The following NECAB1 variants were observed in gnomAD, a reference collection of about 807,000 sequenced individuals.
The protein encoded by NECAB1 is N-terminal EF-hand calcium binding protein 1.
Under a neutral mutation model 57.5 loss-of-function variants are expected in NECAB1, and 29 were observed. The ratio of observed to expected loss-of-function variants is 0.50; its 90% CI spans 0.38 to 0.69. The LOEUF (loss-of-function observed/expected upper bound fraction) is 0.69, where lower values mean the gene tolerates loss of function less well. Ranked by LOEUF, NECAB1 falls within the 30% of genes least tolerant of loss-of-function variation. NECAB1 has a pLI of 0.00. For missense variants in NECAB1, 372 were observed against 413.8 expected (o/e 0.90, Z 0.88); for synonymous variants, 142 against 147.7 (o/e 0.96, Z 0.28).
intron 3 of NECAB1, among the ~76,000 whole-genome samples, chr8:90,851,006 G>C (rs1812671435): frequency 6.6e-6 from 1 of 152,160 alleles, no homozygotes; most frequent in Non-Finnish European, 1.5e-5. Flanking sequence ...AGGGAGGATA[G>C]AGGGGCTAGA....
At chr8:90,810,019 T>C (rs959883932) in intron 2 of NECAB1, among the ~76,000 whole-genome samples, 4 of 152,232 alleles carry the variant, frequency 2.6e-5, no homozygotes, top group Non-Finnish European at 5.9e-5. Context: ...TGTCCCAATT[T>C]TATTTATGAG....
chr8:90,914,574 A>G (rs1367592432), intron 5 of NECAB1, among the ~76,000 whole-genome samples: 1 of 152,184 alleles, frequency 6.6e-6, no homozygotes, highest in East Asian at 1.9e-4. Context: ...CAACATTTAT[A>G]TCAAAGAAAT....
chr8:90,822,159 C>G (rs1204130852), intron 2 of NECAB1, among the ~76,000 whole-genome samples: 2 of 151,786 alleles, frequency 1.3e-5, no homozygotes, highest in African/African-American at 4.8e-5. Flanking sequence ...ATTCTGTGAG[C>G]CAAACCAGTA....
chr8:90,896,585 A>C (rs559624253), intron 5 of NECAB1, among the ~76,000 whole-genome samples: 191 of 152,006 alleles, frequency 1.3e-3, no homozygotes, highest in Non-Finnish European at 2.2e-3. Flanking sequence ...AGCCTGGGCG[A>C]CAGAGCGAGA....
intron 4 of NECAB1, among the ~76,000 whole-genome samples, chr8:90,878,204 T>G (rs1192568777): frequency 6.6e-6 from 1 of 152,136 alleles, no homozygotes; most frequent in Non-Finnish European, 1.5e-5. Flanking sequence ...CCATTGTCTT[T>G]AACAATGATT....
At chr8:90,850,489 C>A (rs570317402) in intron 3 of NECAB1, among the ~76,000 whole-genome samples, 3 of 152,258 alleles carry the variant, frequency 2.0e-5, no homozygotes, top group African/African-American at 7.2e-5. Context: ...CAGTCTGGAA[C>A]AAATAGCAAA....
At chr8:90,876,694 T>C (rs1200716001) in intron 4 of NECAB1, among the ~76,000 whole-genome samples, 4 of 152,140 alleles carry the variant, frequency 2.6e-5, no homozygotes, top group Non-Finnish European at 5.9e-5. Flanking sequence ...GTAGAGAAGA[T>C]GGCACACTGG....
chr8:90,909,205 C>A (rs1809768128), intron 5 of NECAB1, among the ~76,000 whole-genome samples: 1 of 152,080 alleles, frequency 6.6e-6, no homozygotes, highest in Non-Finnish European at 1.5e-5. Flanking sequence ...GCCTTTGATA[C>A]TCAGTGACTG....
intron 1 of NECAB1, among the ~76,000 whole-genome samples, chr8:90,798,823 G>A (rs1811712687): frequency 6.6e-6 from 1 of 152,122 alleles, no homozygotes; most frequent in African/African-American, 2.4e-5. Context: ...CTCAGTAACG[G>A]GATTGCAGAG....
chr8:90,943,040 T>G, intron 10 of NECAB1, among the ~76,000 whole-genome samples: 1 of 139,826 alleles, frequency 7.2e-6, no homozygotes, highest in East Asian at 2.0e-4. Flanking sequence ...ATGTTTTATA[T>G]TTATAAAAAA....
At chr8:90,906,876 C>CATATAT (rs57808023) in intron 5 of NECAB1, among the ~76,000 whole-genome samples, 2,840 of 121,382 alleles carry the variant, frequency 0.023, 55 homozygotes, top group Non-Finnish European at 0.037. Flanking sequence ...ATGATATACA[C>CATATAT]ATATATATAT....
intron 2 of NECAB1, among the ~76,000 whole-genome samples, chr8:90,811,520 T>A (rs1423427523): frequency 6.6e-6 from 1 of 152,180 alleles, no homozygotes; most frequent in African/African-American, 2.4e-5. Context: ...AAAAGAAAGA[T>A]GATTATCAAT....
At chr8:90,926,072 A>G (rs573680190) in intron 7 of NECAB1, among the ~76,000 whole-genome samples, 1 of 152,234 alleles carries the variant, frequency 6.6e-6, no homozygotes, top group African/African-American at 2.4e-5. Context: ...GATTAGTCAT[A>G]GCTGGTGTTT....
chr8:90,860,246 T>C (rs1013592370), intron 3 of NECAB1, among the ~76,000 whole-genome samples: 1 of 151,124 alleles, frequency 6.6e-6, no homozygotes, highest in Non-Finnish European at 1.5e-5. Context: ...TTCTTTTTTT[T>C]TTTTTTTTAA....
chr8:90,848,127 A>G (rs1291251904), intron 3 of NECAB1, among the ~76,000 whole-genome samples: 1 of 152,154 alleles, frequency 6.6e-6, no homozygotes, highest in Admixed American at 6.5e-5. Flanking sequence ...AAATTTCTCC[A>G]TCAGATACCC....
intron 3 of NECAB1, among the ~76,000 whole-genome samples, chr8:90,854,590 C>G (rs1812757238): frequency 6.6e-6 from 1 of 152,190 alleles, no homozygotes; most frequent in African/African-American, 2.4e-5. Context: ...CCTACTTCAA[C>G]TGATGTATTA....
intron 5 of NECAB1, among the ~76,000 whole-genome samples, chr8:90,915,762 A>C (rs1809936651): frequency 1.3e-5 from 2 of 152,222 alleles, no homozygotes; most frequent in Non-Finnish European, 2.9e-5. Context: ...GGAAGCCAAC[A>C]GTCCAGCCTT....
In NECAB1 at chr8:90,802,976, A is replaced by G. The variant is rs1214521943; in HGVS notation, c.124+1261A>G. ...CAGTGGTGGGATCTTGGCTTACTGC[A>G]ACCTCCGTCTCCTGGGTTCAAGCAA... On this transcript the variant is annotated intron_variant, in intron 2 of 12. Transcript: ENST00000417640. 2.0e-5 allele frequency among the ~76,000 whole-genome samples: 3 copies of G among 152,076 alleles called. No homozygotes were observed. The East Asian group carries it at 5.8e-4, about 29-fold the overall frequency.
chr8:90,813,079 T>A (rs997628375), intron 2 of NECAB1: 32 of 152,306 alleles, frequency 2.1e-4, no homozygotes, highest in African/African-American at 7.2e-4. Context: ...TTCCAGCTAC[T>A]CGGGAGGCTG....
Sources: gnomAD v4.1 joint callset for allele counts (sites outside exome capture counted in the v4.1 genomes callset) on GRCh38, gnomAD v4.1.1 for gene constraint, MANE v1.5 for transcripts, NCBI Gene and HGNC (gene_info 2026-07-23, HGNC 2026-07-21) for gene names.